The following SEC63 variants were observed in gnomAD, a reference collection of about 807,000 sequenced individuals.
The protein encoded by SEC63 is translocation protein SEC63 homolog.
Under a neutral mutation model 116.2 loss-of-function variants are expected in SEC63, and 56 were observed. The ratio of observed to expected loss-of-function variants is 0.48; its 90% CI spans 0.39 to 0.60. SEC63 has a LOEUF of 0.60. SEC63 is among the 20% of genes least tolerant of loss of function. SEC63 has a pLI of 0.00. For synonymous variants in SEC63, 273 were observed against 294.6 expected, an observed-to-expected ratio of 0.93 and a Z score of 0.75; for missense variants, 668 against 900.0, an observed-to-expected ratio of 0.74 and a Z score of 3.30.
chr6:107,941,616 T>A (rs903644678), intron 1 of SEC63, among the ~76,000 whole-genome samples: 1 of 152,210 alleles, frequency 6.6e-6, no homozygotes, highest in Non-Finnish European at 1.5e-5. Flanking sequence ...AGTATCCTTT[T>A]TAGTTCTATT....
Position 107,893,869 on chromosome 6 carries a change from C to G in SEC63, c.1469G>C (p.Cys490Ser). The G allele has an allele frequency of 6.2e-7, 1 of 1,614,140 alleles. No homozygotes were observed. The highest frequency in any genetic ancestry group is 8.5e-7 in the Non-Finnish European group (1 of 1,180,012). The change falls in exon 15 of 21, where the codon TGT (cysteine) becomes TCT (serine). Residue 490 changes from cysteine (C) to serine (S), a missense_variant. Cys to Ser is a moderately radical substitution (Grantham distance 112). This residue lies in a region of SEC63 where 430 missense variants were observed against 557.5 expected (regional missense o/e 0.77). Transcript: ENST00000369002. ...AEVFEKEQSI[C>S]AAEEQPAEDG... ...TTCTGCTGGCTGTTCCTCTGCAGCA[C>G]AGATGGACTGCTCCTTTTCAAATAC... is the stretch of plus-strand genomic sequence containing the variant.
chr6:107,878,936 TA>T (rs1680480786), intron 18 of SEC63, among the ~76,000 whole-genome samples: 1 of 50,914 alleles, frequency 2.0e-5, no homozygotes, highest in Admixed American at 2.3e-4. Flanking sequence ...ATGCACATGT[TA>T]AAAGTGAAAC....
intron 1 of SEC63, among the ~76,000 whole-genome samples, chr6:107,956,911 T>C (rs1309070219): frequency 6.6e-6 from 1 of 152,162 alleles, no homozygotes; most frequent in East Asian, 1.9e-4. Context: ...ACAGCTCTTG[T>C]GCAATAGAAA....
At chr6:107,937,123 A>AGTTT (rs369815765) in intron 1 of SEC63, among the ~76,000 whole-genome samples, 1 of 129,916 alleles carries the variant, frequency 7.7e-6, no homozygotes. Flanking sequence ...TATGTACCAC[A>AGTTT]TTTTTTTTTT....
chr6:107,898,124 C>A (rs1314952208), intron 13 of SEC63, among the ~76,000 whole-genome samples: 1 of 151,856 alleles, frequency 6.6e-6, no homozygotes, highest in East Asian at 1.9e-4. Context: ...ATTAGCCAGG[C>A]GTGATGGTGC....
At position 107,893,339 on chromosome 6, in the gene SEC63, C is replaced by CT. The variant is rs1786733691; in HGVS notation, c.1674+142dup. 5 of 720,366 alleles carry CT rather than the reference C, an allele frequency of 6.9e-6. No homozygotes were observed. In the South Asian group the frequency reaches 8.5e-5, roughly 12 times the overall value. 44.6% of individuals were successfully genotyped at this position (720,366 alleles called of 1,614,324 possible). A position where few individuals can be genotyped will look rare whatever the true frequency, so the allele number is the denominator to read the frequency against. Reference sequence around the variant, plus strand: ...GGGAGATGGATGAAGGGCTCACTGACTGAGAAGAGCACAAGGGAGCTTTCT... The same window carrying CT: ...GGGAGATGGATGAAGGGCTCACTGACTTGAGAAGAGCACAAGGGAGCTTTCT... On this transcript the variant is annotated intron_variant, in intron 16 of 20. Transcript: ENST00000369002.
At chr6:107,871,950 A>T in intron 20 of SEC63, 103 bp from the exon 21 acceptor site, 4 of 1,163,956 alleles carry the variant, frequency 3.4e-6, no homozygotes, top group Non-Finnish European at 5.0e-6. Flanking sequence ...ATTACAAAGA[A>T]ATAGTTTTTT....
At chr6:107,912,687 C>T (rs1562326375) in intron 6 of SEC63, 29 bp downstream of exon 6, 3 of 1,447,838 alleles carry the variant, frequency 2.1e-6, no homozygotes, top group East Asian at 4.5e-5. Flanking sequence ...TCTAATACAT[C>T]ATAATGTATC....
intron 1 of SEC63, among the ~76,000 whole-genome samples, chr6:107,941,075 A>T (rs1377307304): frequency 6.6e-6 from 1 of 152,208 alleles, no homozygotes; most frequent in East Asian, 1.9e-4. Flanking sequence ...AACTTAACAT[A>T]CAAGGATGTA....
intron 1 of SEC63, among the ~76,000 whole-genome samples, chr6:107,940,948 T>C (rs531283565): frequency 2.0e-5 from 3 of 152,092 alleles, no homozygotes; most frequent in Non-Finnish European, 2.9e-5. Flanking sequence ...CTTAATCTTA[T>C]AGTGATAATC....
rs1296152198 is a variant in SEC63 at position 107,956,283 on chromosome 6, A to C, written c.124+1603T>G. ...CTCTCCCAATACCTTTTTGTTTTCT[A>C]CACTACCAATTGCACACATAATGGC... On this transcript the variant is annotated intron_variant, in intron 1 of 20. Coordinates refer to ENST00000369002, the MANE Select transcript of SEC63 (RefSeq NM_007214.5). 2.0e-5 allele frequency among the ~76,000 whole-genome samples: 3 copies of C among 152,282 alleles called. 1 individual carries two copies. In the Middle Eastern group the frequency reaches 0.01, roughly 518 times the overall value.
At position 107,868,905 on chromosome 6, in the gene SEC63, G is replaced by T. The variant is rs759560731; in HGVS notation, c.*2799C>A. 3 of 152,166 alleles carry T rather than the reference G, an allele frequency of 2.0e-5. No individual in the cohort carries two copies. Among genetic ancestry groups the T allele is most frequent in the Non-Finnish European group, 2.9e-5 (2 of 68,028 alleles). 9.4% of individuals were successfully genotyped at this position (152,166 alleles called of 1,614,324 possible). A position where few individuals can be genotyped will look rare whatever the true frequency, so the allele number is the denominator to read the frequency against. On this transcript the variant is annotated 3_prime_UTR_variant, in exon 21 of 21. Coordinates refer to ENST00000369002, the MANE Select transcript of SEC63 (RefSeq NM_007214.5). Reference sequence around the variant, plus strand: ...CTGAATTACATTTGAAATAAGAATTGTGACTACAGAACACTCTAGTATATG... The same window carrying T: ...CTGAATTACATTTGAAATAAGAATTTTGACTACAGAACACTCTAGTATATG...
intron 1 of SEC63, among the ~76,000 whole-genome samples, chr6:107,950,489 G>C (rs183034440): frequency 1.9e-4 from 29 of 152,168 alleles, no homozygotes; most frequent in Middle Eastern, 3.4e-3. Context: ...AAGTGCCATG[G>C]GACGTTTTGC....
intron 1 of SEC63, among the ~76,000 whole-genome samples, chr6:107,954,299 A>G (rs1193124166): frequency 6.6e-6 from 1 of 151,754 alleles, no homozygotes; most frequent in South Asian, 2.1e-4. Context: ...ACCACTCCCT[A>G]ATCTCAAGTA....
intron 1 of SEC63, among the ~76,000 whole-genome samples, chr6:107,952,380 C>T (rs1030153652): frequency 1.3e-5 from 2 of 152,250 alleles, no homozygotes; most frequent in Middle Eastern, 3.4e-3. Context: ...TCCAAAACAG[C>T]CATGCTGAAA....
At chr6:107,897,193 A>T (rs1172495196) in intron 14 of SEC63, among the ~76,000 whole-genome samples, 1 of 152,202 alleles carries the variant, frequency 6.6e-6, no homozygotes, top group Admixed American at 6.5e-5. Flanking sequence ...ATTTGTTCCT[A>T]TACTTTTCTG....
At chr6:107,947,250 T>C (rs779784448) in intron 1 of SEC63, among the ~76,000 whole-genome samples, 8 of 152,090 alleles carry the variant, frequency 5.3e-5, no homozygotes, top group South Asian at 2.1e-4. Flanking sequence ...TGAGCCAAGA[T>C]TGTGCTACTG....
At chr6:107,916,737 T>G (rs569510512) in intron 4 of SEC63, among the ~76,000 whole-genome samples, 1 of 152,358 alleles carries the variant, frequency 6.6e-6, no homozygotes, top group South Asian at 2.1e-4. Context: ...ATGTGATCTT[T>G]GACATTTCTA....
At chr6:107,909,095 A>G in intron 7 of SEC63, 60 bp from the exon 8 acceptor site, 2 of 1,177,228 alleles carry the variant, frequency 1.7e-6, no homozygotes, top group Non-Finnish European at 2.5e-6. Context: ...AGGCTGGGCG[A>G]GATGGCTCAT....
Sources: gnomAD v4.1 joint callset for allele counts (sites outside exome capture counted in the v4.1 genomes callset) on GRCh38, gnomAD v4.1.1 for gene constraint, gnomAD v4.1.1 regional missense constraint, MANE v1.5 for transcripts, NCBI Gene and HGNC (gene_info 2026-07-23, HGNC 2026-07-21) for gene names.